TBC1D14: variants seen among roughly 807,000 people sequenced by gnomAD.
TBC1D14 encodes TBC1 domain family member 14, also known as TBC1 domain family, member 14.
TBC1D14 carries 26 observed loss-of-function variants against 79.0 expected under a neutral mutation model. The ratio of observed to expected loss-of-function variants is 0.33; its 90% CI spans 0.24 to 0.46. The LOEUF (loss-of-function observed/expected upper bound fraction) is 0.46. Ranked by LOEUF, TBC1D14 falls within the 20% of genes least tolerant of loss-of-function variation. The pLI is 1.00. For missense variants in TBC1D14, 769 were observed against 887.6 expected, an observed-to-expected ratio of 0.87 and a Z score of 1.70; for synonymous variants, 394 against 349.9, an observed-to-expected ratio of 1.13 and a Z score of -1.40.
chr4:6,912,038 C>T (rs994713284), intron 1 of TBC1D14, among the ~76,000 whole-genome samples: 4 of 152,110 alleles, frequency 2.6e-5, no homozygotes, highest in Admixed American at 6.6e-5. Context: ...TCCCGAGTAG[C>T]TGCAGTTACA....
intron 3 of TBC1D14, among the ~76,000 whole-genome samples, chr4:6,968,839 C>G (rs1273611921): frequency 6.6e-6 from 1 of 152,262 alleles, no homozygotes; most frequent in African/African-American, 2.4e-5. Context: ...GAATATGGCT[C>G]TTGGACCAGC....
At chr4:7,013,805 G>A (rs936765422) in intron 11 of TBC1D14, among the ~76,000 whole-genome samples, 3 of 151,238 alleles carry the variant, frequency 2.0e-5, no homozygotes, top group South Asian at 2.1e-4. Context: ...GTGCAGTGGC[G>A]CAATCTCGGC....
intron 13 of TBC1D14, among the ~76,000 whole-genome samples, chr4:7,027,917 A>G (rs1215153031): frequency 3.7e-5 from 5 of 136,800 alleles, no homozygotes; most frequent in South Asian, 2.5e-4. Flanking sequence ...CACATACACA[A>G]TCACCCCACA....
chr4:6,918,034 A>T (rs959060306), intron 1 of TBC1D14, among the ~76,000 whole-genome samples: 3 of 152,242 alleles, frequency 2.0e-5, no homozygotes, highest in African/African-American at 4.8e-5. Context: ...AATTGGGATC[A>T]ACAAAGACCT....
At chr4:6,954,083 C>T (rs1714378315) in intron 2 of TBC1D14, 3 of 579,778 alleles carry the variant, frequency 5.2e-6, no homozygotes, top group Non-Finnish European at 9.3e-6. Context: ...GGGCTCACTC[C>T]TCCCTCCCTG....
chr4:6,940,217 C>T (rs1456188015), intron 2 of TBC1D14, among the ~76,000 whole-genome samples: 1 of 152,240 alleles, frequency 6.6e-6, no homozygotes, highest in Non-Finnish European at 1.5e-5. Flanking sequence ...CGCTCAGTAG[C>T]CACATGTGGC....
chr4:6,945,148 C>G (rs1713306356), intron 2 of TBC1D14, among the ~76,000 whole-genome samples: 2 of 152,128 alleles, frequency 1.3e-5, no homozygotes, highest in Admixed American at 1.3e-4. Context: ...AGGCTCTGAG[C>G]TTGGCATTTT....
chr4:7,003,551 G>T (rs1314054741), intron 7 of TBC1D14, among the ~76,000 whole-genome samples: 1 of 152,224 alleles, frequency 6.6e-6, no homozygotes, highest in African/African-American at 2.4e-5. Flanking sequence ...AGTGTGCACT[G>T]CCCAGAAGGC....
chr4:7,003,722 G>C (rs190442306), intron 7 of TBC1D14, among the ~76,000 whole-genome samples: 2 of 152,092 alleles, frequency 1.3e-5, no homozygotes, highest in South Asian at 4.1e-4. Context: ...GAGGAGTGGC[G>C]GGTGCAGCAG....
At chr4:7,023,188 G>C (rs949406762) in intron 12 of TBC1D14, among the ~76,000 whole-genome samples, 2 of 152,220 alleles carry the variant, frequency 1.3e-5, no homozygotes, top group Non-Finnish European at 2.9e-5. Flanking sequence ...GGGAGGTGGA[G>C]GTTGCAGTGA....
chr4:6,946,626 G>C (rs982179133), intron 2 of TBC1D14, among the ~76,000 whole-genome samples: 1 of 152,046 alleles, frequency 6.6e-6, no homozygotes, highest in Non-Finnish European at 1.5e-5. Context: ...CGGCCCCTTA[G>C]TGTTATTTAT....
At chr4:6,917,592 G>C (rs568661309) in intron 1 of TBC1D14, among the ~76,000 whole-genome samples, 22 of 152,256 alleles carry the variant, frequency 1.4e-4, no homozygotes, top group Admixed American at 1.2e-3. Flanking sequence ...GTGGGCTGGT[G>C]GTGGGGGCGG....
At chr4:7,000,998 AG>A (rs1481252908) in intron 6 of TBC1D14, 146 bp from the exon 7 acceptor site, 2 of 645,684 alleles carry the variant, frequency 3.1e-6, no homozygotes, top group Non-Finnish European at 5.5e-6. Flanking sequence ...ATCTTTACAG[AG>A]CCCTGGACTC....
rs1225099599 is a variant in TBC1D14, at chr4:6,924,022, C to G, written c.633C>G (p.Thr211=). The change falls in exon 2 of 14, where the codon ACC becomes ACG. Residue 211 remains threonine (T), a synonymous_variant. Transcript: ENST00000409757. ...TNVTLSSIKE[T]RGLHQQDCVH... is the part of the protein sequence containing the mutation. ...TCACCTTGAGCTCTATCAAGGAAACCCGTGGCTTACACCAGCAGGACTGTG... is the reference window on the plus strand; with the variant it reads ...TCACCTTGAGCTCTATCAAGGAAACGCGTGGCTTACACCAGCAGGACTGTG... 3.7e-6 allele frequency: 6 copies of G among 1,614,140 alleles called. No homozygotes were observed. The highest frequency in any genetic ancestry group is 1.6e-4 in the Middle Eastern group (1 of 6,062).
intron 1 of TBC1D14, among the ~76,000 whole-genome samples, chr4:6,917,133 G>C (rs1723469761): frequency 6.6e-6 from 1 of 152,220 alleles, no homozygotes; most frequent in Admixed American, 6.5e-5. Context: ...CTCACCTCCA[G>C]CTCTCACCGA....
At chr4:6,958,874 C>G (rs903878015) in intron 2 of TBC1D14, among the ~76,000 whole-genome samples, 10 of 143,964 alleles carry the variant, frequency 6.9e-5, no homozygotes, top group Admixed American at 3.8e-4. Flanking sequence ...TGGTCAGCTT[C>G]TTGAGGATGG....
At chr4:6,935,310 G>A (rs1381686853) in intron 2 of TBC1D14, among the ~76,000 whole-genome samples, 3 of 152,134 alleles carry the variant, frequency 2.0e-5, no homozygotes, top group Admixed American at 6.5e-5. Context: ...AAACAACCTA[G>A]TAAGAGAATA....
At chr4:6,977,967 ACCGCC>A (rs1221610456) in intron 3 of TBC1D14, among the ~76,000 whole-genome samples, 37 of 142,786 alleles carry the variant, frequency 2.6e-4, no homozygotes, top group African/African-American at 8.9e-4. Flanking sequence ...CTGCCTGGCA[ACCGCC>A]CCGTCTGAGA....
At chr4:6,976,730 G>A (rs535495055) in intron 3 of TBC1D14, among the ~76,000 whole-genome samples, 2 of 152,302 alleles carry the variant, frequency 1.3e-5, no homozygotes, top group East Asian at 1.9e-4. Context: ...AGCAGAAATT[G>A]TCAGGATCTG....
Sources: allele counts gnomAD v4.1 joint callset (sites outside exome capture counted in the v4.1 genomes callset), GRCh38; gene constraint gnomAD v4.1.1; transcripts MANE v1.5; gene names NCBI Gene and HGNC (gene_info 2026-07-23, HGNC 2026-07-21).